The following ARHGEF9 variants were observed in gnomAD, a reference collection of about 807,000 sequenced individuals.
ARHGEF9 encodes Cdc42 guanine nucleotide exchange factor 9, also known as rho guanine nucleotide exchange factor 9.
A neutral mutation model predicts 41.3 loss-of-function variants in ARHGEF9; 2 were observed. That is an observed-to-expected ratio of 0.05 (90% confidence interval 0.02 to 0.15). ARHGEF9 has a LOEUF of 0.15. Ranked by LOEUF, ARHGEF9 falls within the 10% of genes least tolerant of loss-of-function variation. The probability of loss-of-function intolerance (pLI) is 1.00; values close to 1 mark genes in which losing one functional copy is unlikely to be tolerated. For missense variants in ARHGEF9, 225 were observed against 424.7 expected, an observed-to-expected ratio of 0.53 and a Z score of 4.13; for synonymous variants, 160 against 154.4, an observed-to-expected ratio of 1.04 and a Z score of -0.27.
chrX:63,777,076 G>A (rs1469516067), intron 1 of ARHGEF9, among the ~76,000 whole-genome samples: 1 of 111,590 alleles, frequency 9.0e-6, no homozygotes, highest in Non-Finnish European at 1.9e-5. Context: ...GCCCATTCTC[G>A]AACTGCTAAT....
At chrX:63,677,070 C>T in intron 5 of ARHGEF9, among the ~76,000 whole-genome samples, 1 of 111,602 alleles carries the variant, frequency 9.0e-6, no homozygotes, top group Non-Finnish European at 1.9e-5. Flanking sequence ...CTCAAAATGG[C>T]TAGAGGGGGA....
intron 6 of ARHGEF9, chrX:63,671,350 C>T (rs782013073): frequency 7.1e-5 from 8 of 112,109 alleles, no homozygotes; most frequent in Non-Finnish European, 1.3e-4. Context: ...ATGGAGCATC[C>T]ATGTCTCATT....
At chrX:63,678,188 C>T (rs1328086932) in intron 5 of ARHGEF9, 152 bp downstream of exon 5, 1 of 524,484 alleles carries the variant, frequency 1.9e-6, no homozygotes, top group Admixed American at 2.7e-5. Context: ...CCTTCTGTAC[C>T]CTGTTGGCTA....
intron 1 of ARHGEF9, chrX:63,754,708 G>A: frequency 2.1e-6 from 2 of 954,924 alleles, no homozygotes; most frequent in Non-Finnish European, 2.6e-6. Flanking sequence ...AGGGTGGTTA[G>A]AGAAGGGCTG....
chrX:63,650,105 G>C (rs1285246592), intron 8 of ARHGEF9, among the ~76,000 whole-genome samples: 1 of 111,312 alleles, frequency 9.0e-6, no homozygotes, highest in Non-Finnish European at 1.9e-5. Flanking sequence ...AGCCATTATA[G>C]AAAAACAGTA....
intron 1 of ARHGEF9, among the ~76,000 whole-genome samples, chrX:63,779,205 G>A (rs1209110985): frequency 8.9e-6 from 1 of 111,815 alleles, no homozygotes; most frequent in African/African-American, 3.2e-5. Flanking sequence ...ATATTTTGGG[G>A]TATCTTAATA....
At chrX:63,701,080 A>G (rs1343882360) in intron 3 of ARHGEF9, among the ~76,000 whole-genome samples, 3 of 112,089 alleles carry the variant, frequency 2.7e-5, no homozygotes, top group Non-Finnish European at 5.6e-5. Context: ...TAAACCCACC[A>G]GGGCTGATCT....
intron 3 of ARHGEF9, 74 bp downstream of exon 3, chrX:63,706,184 G>A (rs1438927790): frequency 1.9e-6 from 2 of 1,074,905 alleles, no homozygotes; most frequent in South Asian, 2.0e-5. Flanking sequence ...AACATCTTGG[G>A]ACTGTCACAG....
rs1289465150 is a variant in ARHGEF9 at position 63,666,447 on chromosome X, T to TACACACACAC, written c.946-431_946-430insGTGTGTGTGT. Among the ~76,000 whole-genome samples, 16 of 22,789 alleles carry TACACACACAC rather than the reference T, an allele frequency of 7.0e-4. No individual in the cohort carries two copies. The South Asian group carries it at 0.014, about 20-fold the overall frequency. The allele number at this position is 22,789 out of a possible 115,157, so 19.8% of individuals were successfully genotyped here. ...ACACACACACATACACACATATATA[T>TACACACACAC]ATACATACACACACACACACACACA... On this transcript the variant is annotated intron_variant, in intron 6 of 9. Coordinates refer to ENST00000671741, the MANE Select transcript of ARHGEF9 (RefSeq NM_001353921.2).
intron 1 of ARHGEF9, among the ~76,000 whole-genome samples, chrX:63,783,547 C>A (rs1556463605): frequency 8.9e-6 from 1 of 111,849 alleles, no homozygotes. Flanking sequence ...TGGGCGGCCG[C>A]GCCCGGCTTT....
At chrX:63,641,356 G>GAA (rs782439203) in intron 9 of ARHGEF9, 3 of 76,751 alleles carry the variant, frequency 3.9e-5, no homozygotes, top group Non-Finnish European at 5.1e-5. Context: ...CCATCTCAGG[G>GAA]AAAAAAAAAA....
chrX:63,774,045 ATATCTATCTATCTATCTATC>A (rs3051724), intron 1 of ARHGEF9, among the ~76,000 whole-genome samples: 21 of 99,047 alleles, frequency 2.1e-4, no homozygotes, highest in African/African-American at 4.9e-4. Flanking sequence ...ATCCATTATA[ATATCTATCTATCTATCTATC>A]TATCTATCTA....
Position 63,785,166 on chromosome X carries a change from T to A in ARHGEF9, c.-21A>T. 1 of 1,162,507 alleles carries A rather than the reference T, an allele frequency of 8.6e-7. No homozygotes were observed. Among genetic ancestry groups the A allele is most frequent in the African/African-American group, 1.8e-5 (1 of 56,181 alleles). ...TGCATGGTGCTTGCGAAGTCCGGCT[T>A]CTCTGAGGCCCCGTAGCTGGCGCGA... On this transcript the variant is annotated 5_prime_UTR_variant, in exon 1 of 10. Coordinates refer to ENST00000671741, the MANE Select transcript of ARHGEF9 (RefSeq NM_001353921.2).
intron 9 of ARHGEF9, among the ~76,000 whole-genome samples, chrX:63,643,718 A>G (rs782247036): frequency 4.3e-4 from 40 of 93,949 alleles, no homozygotes; most frequent in African/African-American, 1.5e-3. Context: ...ATTTTTAAGT[A>G]AAAAAAAAAA....
At position 63,697,119 on chromosome X, in the gene ARHGEF9, A is replaced by T; in HGVS notation, c.582+6T>A. On this transcript the variant is annotated splice_donor_region_variant and intron_variant, in intron 4 of 9. Coordinates refer to ENST00000671741, the MANE Select transcript of ARHGEF9 (RefSeq NM_001353921.2). ...AAAACCCTCCCCAAATGGATAAGAT[A>T]CTTACGTGCTCTAGGAAGCAGGGTC... 1.7e-6 allele frequency: 2 copies of T among 1,207,800 alleles called. No homozygotes were observed. Among genetic ancestry groups the T allele is most frequent in the Non-Finnish European group, 2.2e-6 (2 of 893,503 alleles).
intron 1 of ARHGEF9, chrX:63,732,071 A>C (rs782232118): frequency 5.4e-5 from 6 of 112,048 alleles, no homozygotes; most frequent in Non-Finnish European, 9.4e-5. Flanking sequence ...CTTTTTCCTG[A>C]AGATAACTCA....
At chrX:63,780,532 A>G (rs1272722055) in intron 1 of ARHGEF9, among the ~76,000 whole-genome samples, 3 of 111,497 alleles carry the variant, frequency 2.7e-5, no homozygotes, top group Non-Finnish European at 5.7e-5. Context: ...TTAAGACTAA[A>G]AGTCAAAGCG....
intron 8 of ARHGEF9, 70 bp from the exon 9 acceptor site, chrX:63,644,118 AC>A: frequency 1.3e-6 from 1 of 747,516 alleles, no homozygotes; most frequent in Non-Finnish European, 1.9e-6. Flanking sequence ...AAATGAGTAA[AC>A]TTTTCTGTAA....
intron 3 of ARHGEF9, among the ~76,000 whole-genome samples, chrX:63,697,776 C>A (rs1286409146): frequency 9.0e-6 from 1 of 111,307 alleles, no homozygotes; most frequent in Non-Finnish European, 1.9e-5. Context: ...AAAACAAAAC[C>A]ATTTCTTCAA....
Sources: gnomAD v4.1 joint callset for allele counts (sites outside exome capture counted in the v4.1 genomes callset) on GRCh38, gnomAD v4.1.1 for gene constraint, MANE v1.5 for transcripts, NCBI Gene and HGNC (gene_info 2026-07-23, HGNC 2026-07-21) for gene names.